The following RAB44 variants were observed in gnomAD, a reference collection of about 807,000 sequenced individuals.
RAB44 encodes RAB44, member RAS oncogene family.
A neutral mutation model predicts 93.3 loss-of-function variants in RAB44; 67 were observed. The observed-to-expected ratio is 0.72, with a 90% confidence interval of 0.59 to 0.88. RAB44 has a LOEUF of 0.88. Among genes scored for constraint, RAB44 ranks in the 40% least tolerant of loss-of-function variants. RAB44 has a pLI of 0.00. For synonymous variants in RAB44, 427 were observed against 520.3 expected (o/e 0.82, Z 2.44); for missense variants, 1,064 against 1,261.7 (o/e 0.84, Z 2.37).
chr6:36,702,839 A>G (rs925094014), intron 1 of RAB44, among the ~76,000 whole-genome samples: 2 of 152,202 alleles, frequency 1.3e-5, no homozygotes, highest in African/African-American at 4.8e-5. Flanking sequence ...CCCAACCATC[A>G]AAATCCTTAT....
In RAB44 at chr6:36,732,228, C is replaced by T. The variant is rs1763379178; in HGVS notation, c.*135C>T. 3 of 466,426 alleles carry T rather than the reference C, an allele frequency of 6.4e-6. No homozygotes were observed. The highest frequency in any genetic ancestry group is 1.0e-5 in the Non-Finnish European group (3 of 289,416). The allele number at this position is 466,426 out of a possible 1,614,324, so 28.9% of individuals were successfully genotyped here. ...GGAAAACCCTTCTCAACTCAGGACT[C>T]GGATCCCAGAGCAGGGCCGCATCAC... is the stretch of plus-strand genomic sequence containing the variant. On this transcript the variant is annotated 3_prime_UTR_variant, in exon 14 of 14. Transcript: ENST00000612677.
rs1763397141 is a variant in RAB44, at chr6:36,733,156, C to G, written c.*1063C>G. 1 of 152,224 alleles carries G rather than the reference C, an allele frequency of 6.6e-6. No homozygotes were observed. The allele number at this position is 152,224 out of a possible 1,614,324, so 9.4% of individuals were successfully genotyped here. A position where few individuals can be genotyped will look rare whatever the true frequency, so the allele number is the denominator to read the frequency against. On this transcript the variant is annotated 3_prime_UTR_variant, in exon 14 of 14. Coordinates refer to ENST00000612677, the MANE Select transcript of RAB44 (RefSeq NM_001257357.2). ...TGTCTGTCACATCTTACCATCATCA[C>G]AAATTGAATATACAACATGTGCCAG... is the stretch of plus-strand genomic sequence containing the variant.
At position 36,723,001 on chromosome 6, in the gene RAB44, C is replaced by T. The variant is rs141618341; in HGVS notation, c.2599+268C>T. ...ATGCACCCTGCAATTTAGGTGCCTG[C>T]GAGAGTTGATGGTGAAAACAAGCAA... On this transcript the variant is annotated intron_variant, in intron 9 of 13. Coordinates refer to ENST00000612677, the MANE Select transcript of RAB44 (RefSeq NM_001257357.2). 4.0e-3 allele frequency among the ~76,000 whole-genome samples: 605 copies of T among 152,362 alleles called. 4 individuals are homozygous for T. Among genetic ancestry groups the T allele is most frequent in the African/African-American group, 0.014 (573 of 41,576 alleles).
chr6:36,706,589 C>T (rs74978922), intron 2 of RAB44, among the ~76,000 whole-genome samples: 13,209 of 152,134 alleles, frequency 0.087, 1,590 homozygotes, highest in African/African-American at 0.27. Context: ...GAGGACATCC[C>T]ATAAAAAGAC....
At chr6:36,699,420 G>C (rs1762460543) in intron 1 of RAB44, among the ~76,000 whole-genome samples, 1 of 152,150 alleles carries the variant, frequency 6.6e-6, no homozygotes, top group Non-Finnish European at 1.5e-5. Flanking sequence ...CATCACAGTG[G>C]ACTTTGCTTC....
intron 11 of RAB44, among the ~76,000 whole-genome samples, chr6:36,728,491 G>A (rs1763287616): frequency 6.6e-6 from 1 of 152,138 alleles, no homozygotes; most frequent in African/African-American, 2.4e-5. Context: ...CCTGGGGGAG[G>A]TGTTCTTAAG....
Position 36,704,400 on chromosome 6 carries a change from T to C in RAB44, c.165T>C (p.Cys55=). Residue 55 remains cysteine, a synonymous_variant, in exon 2 of 14, where the codon TGT becomes TGC. Coordinates refer to ENST00000612677, the MANE Select transcript of RAB44 (RefSeq NM_001257357.2). ...AAELQAFFQD[C]GAKERGFVTR... ...AACTGCAGGCCTTCTTCCAGGACTG[T>C]GGTGCCAAGGAGAGGGGCTTTGTCA... 6.5e-7 allele frequency: 1 copy of C among 1,536,078 alleles called. No homozygotes were observed.
At chr6:36,728,605 A>G in intron 11 of RAB44, 95 bp from the exon 12 acceptor site, 1 of 919,004 alleles carries the variant, frequency 1.1e-6, no homozygotes, top group Non-Finnish European at 1.7e-6. Flanking sequence ...GGGAGGGGGA[A>G]CATGCGGGGG....
At chr6:36,706,225 T>TCTG (rs140036283) in intron 2 of RAB44, among the ~76,000 whole-genome samples, 1 of 151,642 alleles carries the variant, frequency 6.6e-6, no homozygotes, top group African/African-American at 2.4e-5. Flanking sequence ...AAATCTGTAG[T>TCTG]TTGTTCTATT....
chr6:36,717,922 G>A lies in RAB44; in HGVS notation c.642-106G>A. ...GGTCAGTGACTGCTGGCAGAGTGAG[G>A]AAAGCAATAGGATGGATTCCAAACC... On this transcript the variant is annotated intron_variant, in intron 5 of 13. Coordinates refer to ENST00000612677, the MANE Select transcript of RAB44 (RefSeq NM_001257357.2). This position sits in a 1 kb window ranked among gnomAD's most constrained non-coding sequence, Gnocchi z 4.1. The A allele has an allele frequency of 5.4e-6, 3 of 556,018 alleles. No individual in the cohort carries two copies. Among genetic ancestry groups the A allele is most frequent in the Admixed American group, 4.4e-5 (1 of 22,812 alleles). The allele number at this position is 556,018 out of a possible 1,614,324, so 34.4% of individuals were successfully genotyped here. A position where few individuals can be genotyped will look rare whatever the true frequency, so the allele number is the denominator to read the frequency against.
chr6:36,715,678 G>A, intron 4 of RAB44, 25 bp downstream of exon 4: 2 of 1,532,162 alleles, frequency 1.3e-6, no homozygotes, highest in Non-Finnish European at 1.7e-6. Flanking sequence ...GCATGTGCAT[G>A]GGGAGAGGCT....
chr6:36,714,000 G>A (rs1256670433), intron 3 of RAB44, 61 bp downstream of exon 3: 15 of 1,090,266 alleles, frequency 1.4e-5, no homozygotes, highest in Non-Finnish European at 1.9e-5. Context: ...TGCCCTGCAT[G>A]GGGCTAGGCT....
intron 2 of RAB44, among the ~76,000 whole-genome samples, chr6:36,705,733 A>G (rs9380590): frequency 0.13 from 20,146 of 152,102 alleles, 1,385 homozygotes; most frequent in South Asian, 0.2. Context: ...CTTGATGTAT[A>G]AAAGGCTGCT....
At chr6:36,705,085 C>T (rs1762611627) in intron 2 of RAB44, among the ~76,000 whole-genome samples, 1 of 145,538 alleles carries the variant, frequency 6.9e-6, no homozygotes, top group African/African-American at 2.6e-5. Context: ...CACACCACTA[C>T]ACTCCAGCCT....
In RAB44 at chr6:36,721,206, GC is replaced by G; in HGVS notation, c.1078del (p.Leu360CysfsTer15). The G allele has an allele frequency of 3.2e-6, 4 of 1,234,334 alleles. No individual in the cohort carries two copies. The highest frequency in any genetic ancestry group is 4.0e-6 in the Non-Finnish European group (4 of 988,192). 76.5% of individuals were successfully genotyped at this position (1,234,334 alleles called of 1,614,324 possible). A position where few individuals can be genotyped will look rare whatever the true frequency, so the allele number is the denominator to read the frequency against. On this transcript the variant is annotated frameshift_variant, in exon 9 of 14. Transcript: ENST00000612677. LOFTEE classifies it high-confidence loss of function. ...CCCTCAGGCTGCCTCCCCTGAGGAG[GC>G]CCCCCTGCCTGGGCTATTTGGGGAC... ...PDPQAASPEEAPLPGLFGDND... is the reference protein window; with the variant it reads ...PDPQAASPEEXPLPGLFGDND...
At chr6:36,712,022 G>C (rs531188944) in intron 2 of RAB44, among the ~76,000 whole-genome samples, 4 of 152,228 alleles carry the variant, frequency 2.6e-5, no homozygotes, top group African/African-American at 9.6e-5. Context: ...AACACAGCAG[G>C]CTGGGCGTGG....
rs542434914 is a variant in RAB44 at position 36,723,707 on chromosome 6, T to A, written c.2599+974T>A. On this transcript the variant is annotated intron_variant, in intron 9 of 13. Coordinates refer to ENST00000612677, the MANE Select transcript of RAB44 (RefSeq NM_001257357.2). ...AAAATTAGCCGGGCATGGTGGCGGT[T>A]GCTTGTAGTCCCAGCTACTCGGGAG... 7.3e-5 allele frequency among the ~76,000 whole-genome samples: 11 copies of A among 151,718 alleles called. No homozygotes were observed. The South Asian group carries it at 2.3e-3, about 32-fold the overall frequency.
At position 36,732,107 on chromosome 6, in the gene RAB44, C is replaced by T. The variant is rs1282001012; in HGVS notation, c.*14C>T. On this transcript the variant is annotated 3_prime_UTR_variant, in exon 14 of 14. Coordinates refer to ENST00000612677, the MANE Select transcript of RAB44 (RefSeq NM_001257357.2). ...TGTTGCTCCTGATCACCTGTCCTGT[C>T]CTGGGTAGGATGGACACCCATGGGG... The T allele has an allele frequency of 1.6e-6, 2 of 1,233,188 alleles. No individual in the cohort carries two copies. Among genetic ancestry groups the T allele is most frequent in the Non-Finnish European group, 2.0e-6 (2 of 987,222 alleles). 76.4% of individuals were successfully genotyped at this position (1,233,188 alleles called of 1,614,324 possible). A position where few individuals can be genotyped will look rare whatever the true frequency, so the allele number is the denominator to read the frequency against.
Position 36,715,498 on chromosome 6 carries a change from C to A in RAB44, c.339C>A (p.Ser113Arg). 1.3e-6 allele frequency: 2 copies of A among 1,536,134 alleles called. No homozygotes were observed. The highest frequency in any genetic ancestry group is 4.9e-5 in the East Asian group (2 of 40,922). ...SSGLKNIFGS[S>R]QSPHRLRRRK... ...CCACAGAAAACATCTTTGGCTCCAG[C>A]CAGAGCCCCCACAGGCTCCGCAGAA... Residue 113 changes from serine (S) to arginine (R), a missense_variant, in exon 4 of 14, where the codon AGC (serine) becomes AGA (arginine). Transcript: ENST00000612677.
Sources: gnomAD v4.1 joint callset for allele counts (sites outside exome capture counted in the v4.1 genomes callset) on GRCh38, gnomAD v4.1.1 for gene constraint, Gnocchi (gnomAD v3.1) non-coding constraint, MANE v1.5 for transcripts, NCBI Gene and HGNC (gene_info 2026-07-23, HGNC 2026-07-21) for gene names.